KCNH7: variants seen among roughly 807,000 people sequenced by gnomAD.
The protein encoded by KCNH7 is voltage-gated inwardly rectifying potassium channel KCNH7.
KCNH7 carries 49 observed loss-of-function variants against 120.8 expected under a neutral mutation model. The observed-to-expected ratio is 0.41, with a 90% CI of 0.32 to 0.51. The LOEUF (loss-of-function observed/expected upper bound fraction) is 0.51. KCNH7 is among the 20% of genes least tolerant of loss of function. The pLI is 0.38. For missense variants in KCNH7, 1,097 were observed against 1,446.6 expected (o/e 0.76, Z 3.92); for synonymous variants, 547 against 516.1 (o/e 1.06, Z -0.81).
At chr2:162,497,605 A>T (rs948538257) in intron 6 of KCNH7, among the ~76,000 whole-genome samples, 1 of 152,162 alleles carries the variant, frequency 6.6e-6, no homozygotes, top group Non-Finnish European at 1.5e-5. Context: ...CATAAAGAGG[A>T]TATATTTTAG....
intron 2 of KCNH7, among the ~76,000 whole-genome samples, chr2:162,643,363 A>C (rs1333122377): frequency 6.6e-6 from 1 of 152,134 alleles, no homozygotes; most frequent in Non-Finnish European, 1.5e-5. Context: ...AACCCAAAAA[A>C]CAGAAAACAA....
At chr2:162,725,358 G>A (rs1478266528) in intron 2 of KCNH7, among the ~76,000 whole-genome samples, 1 of 151,776 alleles carries the variant, frequency 6.6e-6, no homozygotes, top group Non-Finnish European at 1.5e-5. Context: ...CACCATGTCT[G>A]CTTACATTTT....
At chr2:162,404,843 CA>C (rs1259630926) in intron 9 of KCNH7, among the ~76,000 whole-genome samples, 1 of 152,016 alleles carries the variant, frequency 6.6e-6, no homozygotes, top group African/African-American at 2.4e-5. Flanking sequence ...GGGAGCATAA[CA>C]ATGAATTAAA....
At chr2:162,798,054 G>C (rs1014999561) in intron 2 of KCNH7, 1 of 151,970 alleles carries the variant, frequency 6.6e-6, no homozygotes, top group Non-Finnish European at 1.5e-5. Flanking sequence ...ATGACTTCAA[G>C]CCATCCTTAA....
intron 2 of KCNH7, among the ~76,000 whole-genome samples, chr2:162,653,137 C>A (rs549136193): frequency 1.3e-5 from 2 of 152,284 alleles, no homozygotes; most frequent in African/African-American, 4.8e-5. Flanking sequence ...AACTATGCCA[C>A]CTAACTACAT....
At chr2:162,833,401 T>C (rs899211165) in intron 2 of KCNH7, among the ~76,000 whole-genome samples, 2 of 152,182 alleles carry the variant, frequency 1.3e-5, no homozygotes, top group Admixed American at 1.3e-4. Context: ...TAAATGAATG[T>C]ATTATGCTAT....
At chr2:162,482,224 T>C (rs1358792089) in intron 6 of KCNH7, among the ~76,000 whole-genome samples, 1 of 152,206 alleles carries the variant, frequency 6.6e-6, no homozygotes, top group Non-Finnish European at 1.5e-5. Flanking sequence ...CTTTGATATA[T>C]AGAGAAGAGG....
chr2:162,493,241 A>G (rs1184558473), intron 6 of KCNH7, among the ~76,000 whole-genome samples: 1 of 151,982 alleles, frequency 6.6e-6, no homozygotes, highest in East Asian at 1.9e-4. Context: ...TCTTACAACT[A>G]TTGGATCTTC....
At chr2:162,736,608 A>C (rs1247682191) in intron 2 of KCNH7, among the ~76,000 whole-genome samples, 2 of 152,232 alleles carry the variant, frequency 1.3e-5, no homozygotes, top group African/African-American at 4.8e-5. Context: ...CACCTATTAT[A>C]GGTGATGTGA....
At chr2:162,668,901 A>G (rs1394076945) in intron 2 of KCNH7, among the ~76,000 whole-genome samples, 1 of 152,210 alleles carries the variant, frequency 6.6e-6, no homozygotes, top group African/African-American at 2.4e-5. Context: ...GAACAGTCTT[A>G]TGGAAATTAG....
At chr2:162,520,575 C>G (rs549949520) in intron 3 of KCNH7, among the ~76,000 whole-genome samples, 1 of 151,624 alleles carries the variant, frequency 6.6e-6, no homozygotes, top group African/African-American at 2.4e-5. Context: ...ATCTGGGCAA[C>G]ATAGCAAGAA....
intron 2 of KCNH7, among the ~76,000 whole-genome samples, chr2:162,696,252 C>A (rs367938372): frequency 6.6e-6 from 1 of 151,956 alleles, no homozygotes; most frequent in African/African-American, 2.4e-5. Flanking sequence ...ATGTAAATGG[C>A]GGATAGAACT....
At chr2:162,780,966 T>C (rs1023150970) in intron 2 of KCNH7, among the ~76,000 whole-genome samples, 2 of 152,136 alleles carry the variant, frequency 1.3e-5, no homozygotes, top group African/African-American at 4.8e-5. Flanking sequence ...GATAATTCAC[T>C]AGAGATTATA....
chr2:162,715,977 T>C (rs796443914), intron 2 of KCNH7, among the ~76,000 whole-genome samples: 6 of 151,262 alleles, frequency 4.0e-5, no homozygotes, highest in African/African-American at 7.3e-5. Context: ...TGTGTGTGTG[T>C]GCACACCACA....
intron 9 of KCNH7, among the ~76,000 whole-genome samples, chr2:162,422,134 T>C (rs766959514): frequency 2.0e-5 from 3 of 152,160 alleles, no homozygotes; most frequent in Non-Finnish European, 2.9e-5. Context: ...AAGTGTTCAT[T>C]TGATTAGCTC....
chr2:162,552,833 A>C (rs1268332572), intron 2 of KCNH7, among the ~76,000 whole-genome samples: 1 of 152,160 alleles, frequency 6.6e-6, no homozygotes, highest in Non-Finnish European at 1.5e-5. Context: ...GACCATGGAA[A>C]ATGGATTCTG....
chr2:162,648,759 A>G (rs1559063138), intron 2 of KCNH7, among the ~76,000 whole-genome samples: 2 of 151,722 alleles, frequency 1.3e-5, no homozygotes, highest in Admixed American at 6.6e-5. Flanking sequence ...TACTATCTAG[A>G]CCTTTACCAC....
At chr2:162,834,410 G>T (rs1461144344) in intron 2 of KCNH7, among the ~76,000 whole-genome samples, 10 of 151,924 alleles carry the variant, frequency 6.6e-5, no homozygotes, top group Non-Finnish European at 1.5e-4. Context: ...AAGCAAAATA[G>T]GTAGATTTTA....
chr2:162,389,122 G>C (rs1174392166), intron 12 of KCNH7, among the ~76,000 whole-genome samples: 1 of 151,834 alleles, frequency 6.6e-6, no homozygotes, highest in Non-Finnish European at 1.5e-5. Flanking sequence ...TTTCACTCTG[G>C]TGGCTTTTTT....
Sources: allele counts gnomAD v4.1 joint callset (sites outside exome capture counted in the v4.1 genomes callset), GRCh38; gene constraint gnomAD v4.1.1; transcripts MANE v1.5; gene names NCBI Gene and HGNC (gene_info 2026-07-23, HGNC 2026-07-21).